The following CCDC141 variants were observed in gnomAD, a reference collection of about 807,000 sequenced individuals.
CCDC141 encodes coiled-coil domain-containing protein 141.
A neutral mutation model predicts 181.0 loss-of-function variants in CCDC141; 168 were observed. That is an observed-to-expected ratio of 0.93 (90% confidence interval 0.82 to 1.05). The LOEUF is 1.05. CCDC141 is among the 50% of genes least tolerant of loss of function. The pLI, the probability that CCDC141 is intolerant of heterozygous loss-of-function variation, is 0.00. For missense variants in CCDC141, 1,902 were observed against 1,788.5 expected (o/e 1.06, Z -1.14); for synonymous variants, 666 against 642.3 (o/e 1.04, Z -0.56).
chr2:178,826,191 A>C (rs1427383535), downstream of CCDC141, among the ~76,000 whole-genome samples: 1 of 152,188 alleles, frequency 6.6e-6, no homozygotes, highest in Non-Finnish European at 1.5e-5. Context: ...ACATAATTAC[A>C]TTATTTTTCT....
chr2:178,903,771 A>G (rs1687824318), intron 8 of CCDC141, among the ~76,000 whole-genome samples: 1 of 151,602 alleles, frequency 6.6e-6, no homozygotes, highest in Non-Finnish European at 1.5e-5. Context: ...ATTTAAAAAA[A>G]AATTAAAAAA....
intron 11 of CCDC141, among the ~76,000 whole-genome samples, chr2:178,883,494 G>C (rs1182253747): frequency 1.3e-5 from 2 of 152,152 alleles, no homozygotes; most frequent in Non-Finnish European, 2.9e-5. Context: ...TAAAAATGTA[G>C]AAAAGGATGC....
Position 178,856,314 on chromosome 2 carries a change from A to G in CCDC141, c.2808T>C (p.Asn936=). Residue 936 remains asparagine (N), a synonymous_variant, in exon 18 of 24, where the codon AAT becomes AAC. Transcript: ENST00000443758. ...GAATTTGATATTTAAGCGCCTTCAG[A>G]TTCCGAGATTTTTCATTTTTCTTAG... The part of the protein sequence containing the change: ...NYTKKNEKSR[N]LKALKYQIQQ... The G allele has an allele frequency of 2.5e-6, 4 of 1,610,774 alleles. No individual in the cohort carries two copies. Among genetic ancestry groups the G allele is most frequent in the Non-Finnish European group, 3.4e-6 (4 of 1,178,662 alleles).
chr2:178,959,893 C>A (rs1028021792), intron 5 of CCDC141, among the ~76,000 whole-genome samples: 4 of 152,150 alleles, frequency 2.6e-5, no homozygotes, highest in Non-Finnish European at 5.9e-5. Flanking sequence ...AATTCATTAC[C>A]TTATTCGATT....
chr2:179,033,202 T>A (rs908711641), intron 2 of CCDC141, among the ~76,000 whole-genome samples: 1 of 151,616 alleles, frequency 6.6e-6, no homozygotes, highest in Non-Finnish European at 1.5e-5. Context: ...ATCCACAGAT[T>A]TGATAAACCA....
chr2:178,861,656 T>A (rs1685627318), intron 17 of CCDC141, among the ~76,000 whole-genome samples: 1 of 150,668 alleles, frequency 6.6e-6, no homozygotes, highest in Non-Finnish European at 1.5e-5. Flanking sequence ...AAAAAAAAGT[T>A]TTTTTTGTAG....
rs565454410 is a variant in CCDC141 at position 178,933,089 on chromosome 2, T to G, written c.897+11446A>C. Among the ~76,000 whole-genome samples the G allele has an allele frequency of 7.9e-5, 12 of 152,302 alleles. No individual in the cohort carries two copies. The East Asian group carries it at 2.1e-3, about 27-fold the overall frequency. ...ACAACTAGAAAATATTTTCAATGACTTGGAAAATCGGATTAGATGATGAAT... is the reference window on the plus strand; with the variant it reads ...ACAACTAGAAAATATTTTCAATGACGTGGAAAATCGGATTAGATGATGAAT... On this transcript the variant is annotated intron_variant, in intron 6 of 23. Transcript: ENST00000443758.
chr2:178,837,603 A>G lies in CCDC141; in HGVS notation c.3616T>C (p.Tyr1206His), dbSNP rs1251530696. The G allele has an allele frequency of 1.9e-6, 3 of 1,613,928 alleles. No individual in the cohort carries two copies. The Admixed American group carries it at 5.0e-5, about 27-fold the overall frequency. Residue 1206 changes from tyrosine (Y) to histidine (H), a missense_variant, in exon 23 of 24, where the codon TAT becomes CAT. Coordinates refer to ENST00000443758, the MANE Select transcript of CCDC141 (RefSeq NM_173648.4). ...ATGTCATCAGGTGAGACACACTCAT[A>G]TTCTTCCCCTGAGAGCATGTCTTCA... ...LPEDMLSGEE[Y>H]ECVSPDDISL...
At chr2:178,932,722 T>G (rs1689147916) in intron 6 of CCDC141, among the ~76,000 whole-genome samples, 1 of 152,186 alleles carries the variant, frequency 6.6e-6, no homozygotes, top group African/African-American at 2.4e-5. Flanking sequence ...GATTTTAATT[T>G]TCTTTTGTTT....
intron 5 of CCDC141, among the ~76,000 whole-genome samples, chr2:178,956,280 C>T (rs928824294): frequency 6.6e-6 from 1 of 152,090 alleles, no homozygotes; most frequent in East Asian, 1.9e-4. Flanking sequence ...TTTTAAGATT[C>T]AGAGTCTAAA....
intron 2 of CCDC141, among the ~76,000 whole-genome samples, chr2:178,998,281 T>C (rs79932165): frequency 0.052 from 7,949 of 152,232 alleles, 277 homozygotes; most frequent in South Asian, 0.083. Context: ...AATAATACTC[T>C]TAATGACCCT....
intron 20 of CCDC141, among the ~76,000 whole-genome samples, chr2:178,850,739 T>C (rs1685128721): frequency 1.3e-5 from 2 of 152,238 alleles, no homozygotes; most frequent in Admixed American, 1.3e-4. Context: ...TGTGAAGATA[T>C]TCTTAATCTT....
At chr2:179,011,100 G>A (rs1159371586) in intron 2 of CCDC141, among the ~76,000 whole-genome samples, 4 of 151,678 alleles carry the variant, frequency 2.6e-5, no homozygotes, top group African/African-American at 7.3e-5. Flanking sequence ...AGAGGTTGCA[G>A]TGAGCCGAGA....
intron 17 of CCDC141, among the ~76,000 whole-genome samples, chr2:178,862,411 G>C (rs1046324938): frequency 2.0e-5 from 3 of 152,132 alleles, no homozygotes; most frequent in Admixed American, 2.0e-4. Flanking sequence ...TAAATGTAAA[G>C]GTACTGTTTT....
At chr2:179,048,228 A>C (rs2043563431) in intron 1 of CCDC141, among the ~76,000 whole-genome samples, 1 of 152,234 alleles carries the variant, frequency 6.6e-6, no homozygotes, top group Non-Finnish European at 1.5e-5. Context: ...TCTATTTTAG[A>C]ATATATTCAG....
intron 3 of CCDC141, among the ~76,000 whole-genome samples, chr2:178,976,468 C>G (rs1475383351): frequency 1.3e-5 from 2 of 152,124 alleles, no homozygotes; most frequent in African/African-American, 4.8e-5. Context: ...GAGAGAGAGA[C>G]TGAAGAGCAT....
chr2:178,880,587 T>C (rs1346359604), intron 11 of CCDC141, among the ~76,000 whole-genome samples: 1 of 152,058 alleles, frequency 6.6e-6, no homozygotes, highest in Admixed American at 6.6e-5. Flanking sequence ...GCCTTTGAAA[T>C]AGAAAAAACA....
At chr2:178,932,498 C>T (rs193154762) in intron 6 of CCDC141, among the ~76,000 whole-genome samples, 1 of 152,180 alleles carries the variant, frequency 6.6e-6, no homozygotes, top group East Asian at 1.9e-4. Context: ...ACATGTAATC[C>T]TTAGAAAACA....
In CCDC141 at chr2:178,830,630, C is replaced by G. The variant is rs1328536451; in HGVS notation, c.*3543G>C. On this transcript the variant is annotated 3_prime_UTR_variant, in exon 24 of 24. Transcript: ENST00000443758. ...TGTCATGAATCCTGCTGATAAGGTT[C>G]TTACAGCCTAGCCAGAGGAGACTGA... 3.3e-5 allele frequency: 5 copies of G among 152,224 alleles called. No homozygotes were observed. In the East Asian group the frequency reaches 9.6e-4, roughly 29 times the overall value. The allele number at this position is 152,224 out of a possible 1,614,324, so 9.4% of individuals were successfully genotyped here.
Sources: allele counts gnomAD v4.1 joint callset (sites outside exome capture counted in the v4.1 genomes callset), GRCh38; gene constraint gnomAD v4.1.1; transcripts MANE v1.5; gene names NCBI Gene and HGNC (gene_info 2026-07-23, HGNC 2026-07-21).